Variants in FAM114A1 observed in about 807,000 individuals in gnomAD.
FAM114A1 encodes family with sequence similarity 114 member A1.
FAM114A1 carries 62 observed loss-of-function variants against 64.3 expected under a neutral mutation model. The observed-to-expected ratio is 0.96, with a 90% CI of 0.79 to 1.19. The LOEUF (loss-of-function observed/expected upper bound fraction) is 1.19. Ranked by LOEUF, FAM114A1 falls within the 50% of genes most tolerant of loss-of-function variation. The pLI, the probability that FAM114A1 is intolerant of heterozygous loss-of-function variation, is 0.00. For synonymous variants in FAM114A1, 254 were observed against 251.1 expected, an observed-to-expected ratio of 1.01 and a Z score of -0.11; for missense variants, 645 against 676.3, an observed-to-expected ratio of 0.95 and a Z score of 0.51.
chr4:38,911,866 T>C (rs1348111716), intron 7 of FAM114A1, among the ~76,000 whole-genome samples: 3 of 141,376 alleles, frequency 2.1e-5, no homozygotes, highest in African/African-American at 7.9e-5. Flanking sequence ...TTTTTCTTTT[T>C]TTTTTTTTTT....
In FAM114A1 at chr4:38,867,811, C is replaced by T. The variant is rs1713574538; in HGVS notation, c.-181C>T. 6.6e-6 allele frequency: 1 copy of T among 152,496 alleles called. No homozygotes were observed. Among genetic ancestry groups the T allele is most frequent in the Non-Finnish European group, 1.5e-5 (1 of 67,808 alleles). 9.4% of individuals were successfully genotyped at this position (152,496 alleles called of 1,614,324 possible). The stretch of plus-strand genomic sequence containing the variant: ...CGGGGCGGGACCCGCTGGGCACTCC[C>T]GCGCGTACTCGGCCGCCTGAGCGGT... On this transcript the variant is annotated 5_prime_UTR_variant, in exon 1 of 15. Coordinates refer to ENST00000358869, the MANE Select transcript of FAM114A1 (RefSeq NM_138389.4).
At chr4:38,926,873 T>C (rs1720155834) in intron 9 of FAM114A1, among the ~76,000 whole-genome samples, 1 of 152,158 alleles carries the variant, frequency 6.6e-6, no homozygotes, top group African/African-American at 2.4e-5. Flanking sequence ...CATCACCTCC[T>C]CCAGGAACCC....
chr4:38,925,870 A>AT (rs139010180), intron 9 of FAM114A1, among the ~76,000 whole-genome samples: 35,784 of 150,904 alleles, frequency 0.24, 5,194 homozygotes, highest in African/African-American at 0.41. Context: ...TTTCTCTATG[A>AT]TTTTTTTTTT....
chr4:38,943,123 G>A (rs867654109), intron 14 of FAM114A1, among the ~76,000 whole-genome samples: 3 of 151,274 alleles, frequency 2.0e-5, no homozygotes, highest in Middle Eastern at 3.2e-3. Context: ...AACCTGGGAG[G>A]CGGAAGTTGC....
At chr4:38,924,584 A>T (rs1047125422) in intron 9 of FAM114A1, among the ~76,000 whole-genome samples, 1 of 152,146 alleles carries the variant, frequency 6.6e-6, no homozygotes, top group Non-Finnish European at 1.5e-5. Context: ...GCTTAATGAG[A>T]TTTATGCTCA....
Position 38,903,573 on chromosome 4 carries a change from A to ATT in FAM114A1, c.437-1947_437-1946dup, listed in dbSNP as rs551301661. Among the ~76,000 whole-genome samples the ATT allele has an allele frequency of 3.3e-5, 5 of 151,998 alleles. No individual in the cohort carries two copies. In the East Asian group the frequency reaches 7.7e-4, roughly 24 times the overall value. ...CCTTTTGGAAAATGCATATATATAT[A>ATT]TTTAATGGCAGGGAAGTTGGACTCA... is the stretch of plus-strand genomic sequence containing the variant. On this transcript the variant is annotated intron_variant, in intron 4 of 14. Transcript: ENST00000358869.
intron 3 of FAM114A1, among the ~76,000 whole-genome samples, chr4:38,883,491 A>C (rs1715497893): frequency 6.6e-6 from 1 of 152,040 alleles, no homozygotes; most frequent in South Asian, 2.1e-4. Context: ...AGAATTTTTA[A>C]AATGTCATCC....
In FAM114A1 at chr4:38,878,128, T is replaced by C. The variant is rs1484926463; in HGVS notation, c.50T>C (p.Val17Ala). 1 of 1,613,834 alleles carries C rather than the reference T, an allele frequency of 6.2e-7. No homozygotes were observed. The highest frequency in any genetic ancestry group is 8.5e-7 in the Non-Finnish European group (1 of 1,179,896). Residue 17 changes from valine to alanine, a missense_variant, in exon 3 of 15, where the codon GTT becomes GCT. Coordinates refer to ENST00000358869, the MANE Select transcript of FAM114A1 (RefSeq NM_138389.4). ...DTLATGDKAE[V>A]TEMPNSDSLP... ...TTAGCCACTGGAGACAAAGCAGAAG[T>C]TACTGAGATGCCTAATAGTGATTCT...
At chr4:38,905,331 G>A (rs978678645) in intron 4 of FAM114A1, among the ~76,000 whole-genome samples, 191 bp from the exon 5 acceptor site, 1 of 151,858 alleles carries the variant, frequency 6.6e-6, no homozygotes, top group Non-Finnish European at 1.5e-5. Flanking sequence ...CTCGGGAGGC[G>A]GAGGTTGCAG....
intron 13 of FAM114A1, 95 bp from the exon 14 acceptor site, chr4:38,940,873 G>C: frequency 7.7e-7 from 1 of 1,296,016 alleles, no homozygotes; most frequent in Non-Finnish European, 1.1e-6. Flanking sequence ...TCCTCTGCAA[G>C]AGATCCCTCA....
rs117452086 is a variant in FAM114A1, at chr4:38,879,590, G to A, written c.348+1164G>A. Among the ~76,000 whole-genome samples the A allele has an allele frequency of 2.8e-3, 426 of 152,298 alleles. 8 individuals are homozygous for A. In the East Asian group the frequency reaches 0.05, roughly 18 times the overall value. ...GGGTTTGACCCTCAGAACTGTCTGC[G>A]ATGGGCTTCCTCAGGGGCAAGGTGT... On this transcript the variant is annotated intron_variant, in intron 3 of 14. Transcript: ENST00000358869.
intron 4 of FAM114A1, among the ~76,000 whole-genome samples, chr4:38,894,162 CAAAAAAAAA>C (rs60660305): frequency 8.7e-5 from 7 of 80,362 alleles, no homozygotes; most frequent in Admixed American, 4.4e-4. Context: ...GAGTATGTCT[CAAAAAAAAA>C]AAAAAAAAAA....
rs191134215 is a variant in FAM114A1, at chr4:38,879,589, C to T, written c.348+1163C>T. Among the ~76,000 whole-genome samples, 3 of 152,296 alleles carry T rather than the reference C, an allele frequency of 2.0e-5. No homozygotes were observed. The South Asian group carries it at 6.2e-4, about 32-fold the overall frequency. ...GGGGTTTGACCCTCAGAACTGTCTG[C>T]GATGGGCTTCCTCAGGGGCAAGGTG... is the stretch of plus-strand genomic sequence containing the variant. On this transcript the variant is annotated intron_variant, in intron 3 of 14. Transcript: ENST00000358869.
In FAM114A1 at chr4:38,917,955, G is replaced by A. The variant is rs1057006429; in HGVS notation, c.945+2882G>A. On this transcript the variant is annotated intron_variant, in intron 8 of 14. Coordinates refer to ENST00000358869, the MANE Select transcript of FAM114A1 (RefSeq NM_138389.4). The stretch of plus-strand genomic sequence containing the variant: ...CTACAGGCCAGGCGCGGTGACTCAC[G>A]CCTGTAATCCCAACACTTTGGGAAG... Among the ~76,000 whole-genome samples the A allele has an allele frequency of 6.6e-5, 10 of 151,946 alleles. No individual in the cohort carries two copies. The South Asian group carries it at 1.9e-3, about 28-fold the overall frequency.
intron 9 of FAM114A1, 38 bp downstream of exon 9, chr4:38,922,931 G>A: frequency 1.3e-6 from 2 of 1,579,440 alleles, no homozygotes; most frequent in South Asian, 1.2e-5. Context: ...ACAAACTGTT[G>A]GCATAATCCT....
chr4:38,933,757 T>C (rs945268311), intron 12 of FAM114A1, among the ~76,000 whole-genome samples: 5 of 152,168 alleles, frequency 3.3e-5, no homozygotes, highest in African/African-American at 4.8e-5. Context: ...CTCGTATTAT[T>C]AGACAGACAC....
intron 2 of FAM114A1, among the ~76,000 whole-genome samples, chr4:38,873,705 G>A (rs1037534272): frequency 6.6e-6 from 1 of 152,202 alleles, no homozygotes; most frequent in African/African-American, 2.4e-5. Flanking sequence ...AACAGCCCCC[G>A]AGGGTCTCTT....
intron 13 of FAM114A1, among the ~76,000 whole-genome samples, 186 bp from the exon 14 acceptor site, chr4:38,940,782 G>A (rs182236636): frequency 2.0e-5 from 3 of 152,218 alleles, no homozygotes; most frequent in Admixed American, 1.3e-4. Context: ...TAGGATTTCC[G>A]TTGCAATTAA....
chr4:38,891,901 C>A, intron 4 of FAM114A1, 71 bp downstream of exon 4: 2 of 1,392,466 alleles, frequency 1.4e-6, no homozygotes, highest in Non-Finnish European at 2.0e-6. Flanking sequence ...TTTGATCGTA[C>A]TGTATACTAA....
Sources: gnomAD v4.1 joint callset for allele counts (sites outside exome capture counted in the v4.1 genomes callset) on GRCh38, gnomAD v4.1.1 for gene constraint, MANE v1.5 for transcripts, NCBI Gene and HGNC (gene_info 2026-07-23, HGNC 2026-07-21) for gene names.